SLC47A1: variants seen among roughly 807,000 people sequenced by gnomAD.
The protein encoded by SLC47A1 is solute carrier family 47 member 1.
In SLC47A1, 58 loss-of-function variants were observed where a neutral mutation model predicts 65.8. That is an observed-to-expected ratio of 0.88 (90% confidence interval 0.71 to 1.10). The LOEUF is 1.10. Ranked by LOEUF, SLC47A1 falls within the 50% of genes least tolerant of loss-of-function variation. SLC47A1 has a pLI of 0.00. For missense variants in SLC47A1, 706 were observed against 719.2 expected, an observed-to-expected ratio of 0.98 and a Z score of 0.21; for synonymous variants, 285 against 295.0, an observed-to-expected ratio of 0.97 and a Z score of 0.35.
chr17:19,538,221 T>G (rs1916047448), intron 1 of SLC47A1, among the ~76,000 whole-genome samples: 1 of 152,248 alleles, frequency 6.6e-6, no homozygotes, highest in Non-Finnish European at 1.5e-5. Context: ...ATAGCTGCCT[T>G]CTTTTCCCCA....
intron 7 of SLC47A1, 89 bp from the exon 8 acceptor site, chr17:19,555,504 C>T (rs1169054895): frequency 1.6e-5 from 22 of 1,407,844 alleles, no homozygotes; most frequent in Non-Finnish European, 2.2e-5. Flanking sequence ...GAGGACAGCA[C>T]GGGAAGGGAT....
rs755446939 is a variant in SLC47A1 at position 19,572,866 on chromosome 17, GAT to G, written c.1486+8_1486+9del. 3 of 1,613,986 alleles carry G rather than the reference GAT, an allele frequency of 1.9e-6. No individual in the cohort carries two copies. The Admixed American group carries it at 5.0e-5, about 27-fold the overall frequency. On this transcript the variant is annotated splice_donor_region_variant and intron_variant, in intron 16 of 16. Transcript: ENST00000270570. ...CTCAGGATCCGCTTCACCCAGGTAAGATATGACTCCCTCAGCCCTTGGACAGG... is the reference window on the plus strand; with the variant it reads ...CTCAGGATCCGCTTCACCCAGGTAAGATGACTCCCTCAGCCCTTGGACAGG...
intron 5 of SLC47A1, among the ~76,000 whole-genome samples, chr17:19,551,201 G>A (rs1048291068): frequency 2.0e-5 from 3 of 152,202 alleles, no homozygotes; most frequent in African/African-American, 7.2e-5. Context: ...GCCAGATGGA[G>A]GGAATATGCT....
intron 14 of SLC47A1, chr17:19,568,013 A>G (rs1011493227): frequency 1.2e-4 from 18 of 152,206 alleles, no homozygotes; most frequent in African/African-American, 3.9e-4. Flanking sequence ...GAAATAAATG[A>G]CTGCCCAGCT....
At chr17:19,555,557 A>T (rs760417407) in intron 7 of SLC47A1, 36 bp from the exon 8 acceptor site, 5 of 1,589,728 alleles carry the variant, frequency 3.1e-6, no homozygotes, top group Non-Finnish European at 4.3e-6. Context: ...GAGGCGCAGG[A>T]AGGTACCTCC....
chr17:19,572,649 G>A, intron 15 of SLC47A1, 131 bp from the exon 16 acceptor site: 1 of 776,064 alleles, frequency 1.3e-6, no homozygotes, highest in South Asian at 1.6e-5. Flanking sequence ...AAGATGACCT[G>A]TGAATGAGAG....
intron 6 of SLC47A1, 132 bp from the exon 7 acceptor site, chr17:19,555,080 C>A: frequency 1.3e-6 from 1 of 764,528 alleles, no homozygotes; most frequent in Admixed American, 1.9e-5. Context: ...ACATGACCTC[C>A]CCAGTTAAGC....
At chr17:19,577,187 CTTTTA>C in intron 16 of SLC47A1, 135 bp from the exon 17 acceptor site, 2 of 1,232,504 alleles carry the variant, frequency 1.6e-6, no homozygotes, top group Non-Finnish European at 2.2e-6. Context: ...GATAAGATTT[CTTTTA>C]TTTATTCACT....
Position 19,560,491 on chromosome 17 carries a change from C to G in SLC47A1, c.1104C>G (p.Asp368Glu), listed in dbSNP as rs1047723866. 3 of 1,613,878 alleles carry G rather than the reference C, an allele frequency of 1.9e-6. No individual in the cohort carries two copies. The highest frequency in any genetic ancestry group is 2.5e-6 in the Non-Finnish European group (3 of 1,179,896). The change falls in exon 12 of 17, where the codon GAC (aspartate) becomes GAG (glutamate). Residue 368 changes from aspartate (D) to glutamate (E), a missense_variant and splice_region_variant. By Grantham distance (45) the Asp-to-Glu change is conservative. Coordinates refer to ENST00000270570, the MANE Select transcript of SLC47A1 (RefSeq NM_018242.3). ...KDHVGYIFTT[D>E]RDIINLVAQV... ...ACGTGGGGTACATTTTTACTACCGACCGGTGAGTGCTAGGATTTTCTTGAA... is the reference window on the plus strand; with the variant it reads ...ACGTGGGGTACATTTTTACTACCGAGCGGTGAGTGCTAGGATTTTCTTGAA...
At chr17:19,542,544 T>G in intron 2 of SLC47A1, 50 bp downstream of exon 2, 1 of 1,414,906 alleles carries the variant, frequency 7.1e-7, no homozygotes, top group Non-Finnish European at 9.8e-7. Context: ...GTGTTTGCCT[T>G]CTGCTGCTAC....
At position 19,542,456 on chromosome 17, in the gene SLC47A1, G is replaced by A. The variant is rs202140517; in HGVS notation, c.199G>A (p.Gly67Ser). The A allele has an allele frequency of 1.9e-6, 3 of 1,612,500 alleles. No homozygotes were observed. Among genetic ancestry groups the A allele is most frequent in the South Asian group, 2.2e-5 (2 of 90,834 alleles). ...AAGCTCCGTGTTCTGTGGCCACCTG[G>A]GCAAGCTGGAGCTGGATGCAGTCAC... is the stretch of plus-strand genomic sequence containing the variant. ...FISSVFCGHL[G>S]KLELDAVTLA... The change falls in exon 2 of 17, where the codon GGC becomes AGC. Residue 67 changes from glycine to serine, a missense_variant. By Grantham distance (56) the Gly-to-Ser change is moderately conservative. Coordinates refer to ENST00000270570, the MANE Select transcript of SLC47A1 (RefSeq NM_018242.3).
At chr17:19,546,527 C>A in intron 3 of SLC47A1, 24 bp downstream of exon 3, 2 of 1,607,848 alleles carry the variant, frequency 1.2e-6, no homozygotes, top group South Asian at 2.2e-5. Context: ...GTCACACGCT[C>A]ACAGTGACCT....
intron 6 of SLC47A1, among the ~76,000 whole-genome samples, chr17:19,554,812 G>T (rs1260260090): frequency 6.6e-6 from 1 of 152,108 alleles, no homozygotes; most frequent in Non-Finnish European, 1.5e-5. Context: ...CAAGATCTTA[G>T]GTCAATTTTC....
Position 19,563,383 on chromosome 17 carries a change from C to T in SLC47A1, c.1106+2890C>T, listed in dbSNP as rs371183578. 2.6e-3 allele frequency among the ~76,000 whole-genome samples: 397 copies of T among 151,980 alleles called. 23 individuals are homozygous for T. In the South Asian group the frequency reaches 0.077, roughly 30 times the overall value. On this transcript the variant is annotated intron_variant, in intron 12 of 16. Coordinates refer to ENST00000270570, the MANE Select transcript of SLC47A1 (RefSeq NM_018242.3). Reference sequence around the variant, plus strand: ...TCCTGACCTTGTGATCCGCCCGCCTCGGCCTCCCAAAGTGCTGGGATTACA... The same window carrying T: ...TCCTGACCTTGTGATCCGCCCGCCTTGGCCTCCCAAAGTGCTGGGATTACA...
At position 19,560,372 on chromosome 17, in the gene SLC47A1, ATCT is replaced by A. The variant is rs748194287; in HGVS notation, c.1031-41_1031-39del. ...ACCCAGGCTCCTCCACTTCCTGTGGATCTTCTTGTTCACTGTGTTGTTTCTTCT... is the reference window on the plus strand; with the variant it reads ...ACCCAGGCTCCTCCACTTCCTGTGGATCTTGTTCACTGTGTTGTTTCTTCT... On this transcript the variant is annotated intron_variant, in intron 11 of 16. Coordinates refer to ENST00000270570, the MANE Select transcript of SLC47A1 (RefSeq NM_018242.3). 7.4e-6 allele frequency: 12 copies of A among 1,612,218 alleles called. No individual in the cohort carries two copies. In the South Asian group the frequency reaches 8.8e-5, roughly 12 times the overall value.
intron 5 of SLC47A1, among the ~76,000 whole-genome samples, chr17:19,550,785 C>T (rs545591940): frequency 9.2e-5 from 14 of 152,300 alleles, no homozygotes; most frequent in East Asian, 5.8e-4. Flanking sequence ...GTGTCCTCTG[C>T]GGCCTCTCTC....
In SLC47A1 at chr17:19,556,051, A is replaced by C. The variant is rs751466161; in HGVS notation, c.910A>C (p.Ile304Leu). The part of the protein sequence containing the change: ...AQSIVYELAI[I>L]VYMVPAGFSV... ...GTCCATCGTGTATGAACTGGCCATC[A>C]TTGTGTACATGGTAAGCAGGGGAGC... Residue 304 changes from isoleucine to leucine, a missense_variant, in exon 10 of 17, where the codon ATT becomes CTT. Transcript: ENST00000270570. 1 of 1,613,864 alleles carries C rather than the reference A, an allele frequency of 6.2e-7. No individual in the cohort carries two copies. Among genetic ancestry groups the C allele is most frequent in the African/African-American group, 1.3e-5 (1 of 74,926 alleles).
At chr17:19,571,229 A>G (rs558634266) in intron 14 of SLC47A1, among the ~76,000 whole-genome samples, 6 of 152,120 alleles carry the variant, frequency 3.9e-5, no homozygotes, top group Non-Finnish European at 8.8e-5. Context: ...TTGTTCCGAA[A>G]TCCTGAACCA....
At chr17:19,567,987 CT>C (rs1436957467) in intron 14 of SLC47A1, 3 of 152,182 alleles carry the variant, frequency 2.0e-5, no homozygotes, top group African/African-American at 7.2e-5. Flanking sequence ...CAGAGCTAAT[CT>C]TTTTAAAAAG....
Sources: gnomAD v4.1 joint callset for allele counts (sites outside exome capture counted in the v4.1 genomes callset) on GRCh38, gnomAD v4.1.1 for gene constraint, MANE v1.5 for transcripts, NCBI Gene and HGNC (gene_info 2026-07-23, HGNC 2026-07-21) for gene names.